FBXW11: variants seen among roughly 807,000 people sequenced by gnomAD.
The protein encoded by FBXW11 is F-box/WD repeat-containing protein 11.
In FBXW11, 19 loss-of-function variants were observed where a neutral mutation model predicts 77.6. The ratio of observed to expected loss-of-function variants is 0.24; its 90% CI spans 0.17 to 0.36. The LOEUF is 0.36. Ranked by LOEUF, FBXW11 falls within the 10% of genes least tolerant of loss-of-function variation. FBXW11 has a pLI of 1.00. For missense variants in FBXW11, 334 were observed against 704.2 expected (o/e 0.47, Z 5.95); for synonymous variants, 235 against 249.4 (o/e 0.94, Z 0.54).
chr5:171,873,383 A>C (rs977127529), intron 9 of FBXW11, among the ~76,000 whole-genome samples: 5 of 152,210 alleles, frequency 3.3e-5, no homozygotes, highest in Non-Finnish European at 5.9e-5. Flanking sequence ...ACGGTAGCTC[A>C]CACCTAATCC....
At chr5:171,997,624 G>A (rs1766138934) in intron 1 of FBXW11, among the ~76,000 whole-genome samples, 1 of 152,184 alleles carries the variant, frequency 6.6e-6, no homozygotes. Context: ...TTCTGACTCA[G>A]TAAAGGCCAG....
intron 1 of FBXW11, among the ~76,000 whole-genome samples, chr5:172,002,830 C>T (rs1012927886): frequency 6.7e-6 from 1 of 150,174 alleles, no homozygotes; most frequent in Non-Finnish European, 1.5e-5. Flanking sequence ...TCCTGAGTAG[C>T]AGGGACTATA....
At chr5:171,916,877 T>C (rs945398582) in intron 2 of FBXW11, among the ~76,000 whole-genome samples, 2 of 152,120 alleles carry the variant, frequency 1.3e-5, no homozygotes, top group African/African-American at 2.4e-5. Flanking sequence ...ATGAGGGATG[T>C]ATATATGGTT....
At chr5:171,884,048 T>C (rs1298398096) in intron 7 of FBXW11, among the ~76,000 whole-genome samples, 1 of 150,264 alleles carries the variant, frequency 6.7e-6, no homozygotes, top group Non-Finnish European at 1.5e-5. Flanking sequence ...TTTAATTAGG[T>C]CCCAGCTATT....
At chr5:171,958,859 TG>T (rs1763751929) in intron 1 of FBXW11, among the ~76,000 whole-genome samples, 1 of 152,192 alleles carries the variant, frequency 6.6e-6, no homozygotes, top group Non-Finnish European at 1.5e-5. Flanking sequence ...CTCATAAACT[TG>T]TTTGTTCTAG....
chr5:171,930,754 T>TAAAAAAAAAAAAAAA (rs1300857997), intron 2 of FBXW11, among the ~76,000 whole-genome samples: 4 of 32,286 alleles, frequency 1.2e-4, no homozygotes, highest in African/African-American at 2.6e-4. Flanking sequence ...AAATAAAAAA[T>TAAAAAAAAAAAAAAA]AAAAAAATAA....
At chr5:171,951,192 C>T (rs184794372) in intron 2 of FBXW11, among the ~76,000 whole-genome samples, 6 of 106,978 alleles carry the variant, frequency 5.6e-5, no homozygotes, top group African/African-American at 1.6e-4. Flanking sequence ...ATAATACAAC[C>T]CCCGCCACAA....
intron 2 of FBXW11, among the ~76,000 whole-genome samples, chr5:171,921,891 A>G (rs994123055): frequency 7.9e-5 from 12 of 152,150 alleles, no homozygotes; most frequent in African/African-American, 1.9e-4. Context: ...GGTTCACATC[A>G]TAACACCCAA....
chr5:171,890,383 C>T (rs1320680453), intron 7 of FBXW11, among the ~76,000 whole-genome samples: 2 of 150,530 alleles, frequency 1.3e-5, no homozygotes, highest in Non-Finnish European at 1.5e-5. Flanking sequence ...ATTAGCTGGG[C>T]GTGGTGCCAC....
rs562672518 is a variant in FBXW11, at chr5:171,972,357, C to T, written c.46-14659G>A. Among the ~76,000 whole-genome samples the T allele has an allele frequency of 4.5e-4, 66 of 147,578 alleles. 3 individuals are homozygous for T. In the South Asian group the frequency reaches 0.011, roughly 24 times the overall value. On this transcript the variant is annotated intron_variant, in intron 1 of 13. Coordinates refer to ENST00000517395, the MANE Select transcript of FBXW11 (RefSeq NM_001378974.1). ...TAAATAAATAAATAAATAAATAAGC[C>T]GGGTGTGGTGGCGCACACCTCTGGT...
rs891829632 is a variant in FBXW11, at chr5:171,927,200, T to G, written c.148-12795A>C. Among the ~76,000 whole-genome samples, 5 of 152,234 alleles carry G rather than the reference T, an allele frequency of 3.3e-5. No individual in the cohort carries two copies. The East Asian group carries it at 9.6e-4, about 29-fold the overall frequency. ...AATCAGACTATATTAAAATAATTTC[T>G]GTTCATTGAAAACATTCAGAGATTG... On this transcript the variant is annotated intron_variant, in intron 2 of 13. Transcript: ENST00000517395.
chr5:171,867,677 A>G (rs1393034043), intron 13 of FBXW11: 1 of 152,210 alleles, frequency 6.6e-6, no homozygotes, highest in Non-Finnish European at 1.5e-5. Context: ...TCCATCAAAA[A>G]AATTCCTAAT....
At chr5:171,956,248 T>G (rs1763606315) in intron 2 of FBXW11, among the ~76,000 whole-genome samples, 1 of 152,208 alleles carries the variant, frequency 6.6e-6, no homozygotes. Flanking sequence ...GGAGAGCACA[T>G]GCAATAATGG....
chr5:171,876,238 C>G lies in FBXW11; in HGVS notation c.1221+47G>C. The G allele has an allele frequency of 6.2e-7, 1 of 1,606,692 alleles. No homozygotes were observed. Among genetic ancestry groups the G allele is most frequent in the Non-Finnish European group, 8.5e-7 (1 of 1,175,564 alleles). ...AAGCCACCTCTGCTTTGTCTCTGTT[C>G]TAAAAGGGACAGGAACAGGTAGGGT... On this transcript the variant is annotated intron_variant, in intron 9 of 13. Coordinates refer to ENST00000517395, the MANE Select transcript of FBXW11 (RefSeq NM_001378974.1). The surrounding 1 kb of genome is among the most constrained non-coding windows in gnomAD (Gnocchi z 4.2).
intron 1 of FBXW11, among the ~76,000 whole-genome samples, chr5:171,967,885 C>T (rs6884300): frequency 0.027 from 1,947 of 71,402 alleles, 52 homozygotes; most frequent in African/African-American, 0.13. Context: ...TATATATATA[C>T]ACACACACAC....
intron 2 of FBXW11, among the ~76,000 whole-genome samples, chr5:171,943,701 G>A (rs1211193048): frequency 6.6e-6 from 1 of 152,132 alleles, no homozygotes; most frequent in Non-Finnish European, 1.5e-5. Flanking sequence ...CGCCCGCCTC[G>A]GCCTCCCAAA....
At chr5:171,963,861 G>A (rs1272949144) in intron 1 of FBXW11, among the ~76,000 whole-genome samples, 1 of 152,194 alleles carries the variant, frequency 6.6e-6, no homozygotes, top group African/African-American at 2.4e-5. Flanking sequence ...CAATGACAAA[G>A]AGTGTAAGCA....
chr5:171,982,657 G>A (rs10080218), intron 1 of FBXW11, among the ~76,000 whole-genome samples: 132,600 of 152,202 alleles, frequency 0.87, 58,320 homozygotes, highest in East Asian at 0.98. Flanking sequence ...ACATTTAGAA[G>A]ACAGTTTAGC....
intron 3 of FBXW11, among the ~76,000 whole-genome samples, chr5:171,911,255 T>C (rs1298852939): frequency 6.6e-6 from 1 of 152,228 alleles, no homozygotes; most frequent in Non-Finnish European, 1.5e-5. Context: ...TTTATGCTAA[T>C]GGTTCTCAAA....
Sources: allele counts gnomAD v4.1 joint callset (sites outside exome capture counted in the v4.1 genomes callset), GRCh38; gene constraint gnomAD v4.1.1; non-coding constraint Gnocchi (gnomAD v3.1); transcripts MANE v1.5; gene names NCBI Gene and HGNC (gene_info 2026-07-23, HGNC 2026-07-21).